The following DCBLD1 variants were observed in gnomAD, a reference collection of about 807,000 sequenced individuals.
The protein encoded by DCBLD1 is discoidin, CUB and LCCL domain containing 1, also known as discoidin, CUB and LCCL domain-containing protein 1.
In DCBLD1, 57 loss-of-function variants were observed where a neutral mutation model predicts 71.5. The observed-to-expected ratio is 0.80, with a 90% CI of 0.64 to 0.99. DCBLD1 has a LOEUF of 0.99. Among genes scored for constraint, DCBLD1 ranks in the 50% least tolerant of loss-of-function variants. DCBLD1 has a pLI of 0.00. For missense variants in DCBLD1, 891 were observed against 923.5 expected (o/e 0.96, Z 0.46); for synonymous variants, 380 against 363.8 (o/e 1.04, Z -0.51).
intron 1 of DCBLD1, among the ~76,000 whole-genome samples, chr6:117,486,881 G>A (rs979726095): frequency 2.6e-5 from 4 of 152,144 alleles, no homozygotes; most frequent in Non-Finnish European, 4.4e-5. Context: ...GAGCATTACC[G>A]CCTGAGTTCG....
rs537343916 is a variant in DCBLD1, at chr6:117,493,374, G to A, written c.113-10393G>A. On this transcript the variant is annotated intron_variant, in intron 1 of 14. Transcript: ENST00000338728. ...TTCTTTTACAAAGCATCTTTCAGGA[G>A]CTAAGCAAAGTGAACAACCTTTGTT... is the stretch of plus-strand genomic sequence containing the variant. Among the ~76,000 whole-genome samples the A allele has an allele frequency of 3.3e-5, 5 of 152,262 alleles. No homozygotes were observed. The East Asian group carries it at 9.7e-4, about 29-fold the overall frequency.
At chr6:117,550,859 T>C (rs1459134178), downstream of DCBLD1, among the ~76,000 whole-genome samples, 1 of 152,202 alleles carries the variant, frequency 6.6e-6, no homozygotes, top group African/African-American at 2.4e-5. Flanking sequence ...GAGAGCAGTG[T>C]TTACCCTGTA....
intron 1 of DCBLD1, among the ~76,000 whole-genome samples, chr6:117,498,823 G>A (rs1777552666): frequency 6.6e-6 from 1 of 151,840 alleles, no homozygotes; most frequent in Admixed American, 6.6e-5. Flanking sequence ...TCAAAAAAAT[G>A]GCATTTTCTT....
At chr6:117,559,141 CCT>C (rs1491445367) in intron 14 of DCBLD1, among the ~76,000 whole-genome samples, 3 of 152,210 alleles carry the variant, frequency 2.0e-5, no homozygotes, top group African/African-American at 7.2e-5. Flanking sequence ...CATCTTATTA[CCT>C]GTTTCCTCAA....
At chr6:117,513,245 A>AG (rs1314939577) in intron 2 of DCBLD1, among the ~76,000 whole-genome samples, 1 of 152,202 alleles carries the variant, frequency 6.6e-6, no homozygotes, top group African/African-American at 2.4e-5. Flanking sequence ...GGAAAGATAA[A>AG]GGGTTTCCCT....
At chr6:117,514,967 A>G (rs1229205799) in intron 2 of DCBLD1, among the ~76,000 whole-genome samples, 3 of 151,666 alleles carry the variant, frequency 2.0e-5, no homozygotes, top group Non-Finnish European at 2.9e-5. Flanking sequence ...AAAAAAATCT[A>G]AGCAAGTTCT....
chr6:117,522,370 G>T lies in DCBLD1; in HGVS notation c.512+794G>T, dbSNP rs191260885. Among the ~76,000 whole-genome samples the T allele has an allele frequency of 3.3e-5, 5 of 152,112 alleles. No homozygotes were observed. In the East Asian group the frequency reaches 9.7e-4, roughly 29 times the overall value. On this transcript the variant is annotated intron_variant, in intron 4 of 14. Coordinates refer to ENST00000338728, the MANE Select transcript of DCBLD1 (RefSeq NM_001366458.2). ...ATTGCCAAATGTCTCATGGTGGGCA[G>T]AATCGCCCCCAGTGGAGAGCCACTA...
At chr6:117,500,543 G>A (rs1247418688) in intron 1 of DCBLD1, among the ~76,000 whole-genome samples, 1 of 152,116 alleles carries the variant, frequency 6.6e-6, no homozygotes, top group African/African-American at 2.4e-5. Flanking sequence ...GGAAGTGGTC[G>A]GAAAGAAATA....
At chr6:117,569,620 G>A (rs775012838) in exon 15 of DCBLD1, 2 of 1,612,860 alleles carry the variant, frequency 1.2e-6, no homozygotes, top group South Asian at 1.1e-5. Flanking sequence ...TGTCCCTTAG[G>A]TTAACTCCGT....
intron 1 of DCBLD1, among the ~76,000 whole-genome samples, chr6:117,502,328 T>C (rs574880406): frequency 4.4e-4 from 67 of 152,322 alleles, no homozygotes; most frequent in South Asian, 1.0e-3. Context: ...GCCAACTCTA[T>C]TTCCCCAATT....
chr6:117,548,370 T>C lies in DCBLD1; in HGVS notation c.2079T>C (p.Ser693=). The C allele has an allele frequency of 1.3e-6, 2 of 1,550,392 alleles. No homozygotes were observed. The highest frequency in any genetic ancestry group is 1.7e-6 in the Non-Finnish European group (2 of 1,146,934). The part of the protein sequence containing the change: ...SQKPPTHPGT[S]DSYSAPRDCL... ...AGCCCCCAACGCATCCCGGGACGAG[T>C]GACAGCTATTCTGCCCCCAGAGACT... Residue 693 remains serine, a synonymous_variant, in exon 15 of 15, where the codon AGT becomes AGC. Coordinates refer to ENST00000338728, the MANE Select transcript of DCBLD1 (RefSeq NM_001366458.2).
At chr6:117,551,353 C>A (rs1359985806), downstream of DCBLD1, among the ~76,000 whole-genome samples, 1 of 144,184 alleles carries the variant, frequency 6.9e-6, no homozygotes. Flanking sequence ...ATTCTGATAC[C>A]TGAGTATTTC....
chr6:117,568,826 T>C (rs903768215), intron 14 of DCBLD1, among the ~76,000 whole-genome samples: 12 of 152,222 alleles, frequency 7.9e-5, no homozygotes, highest in African/African-American at 2.9e-4. Flanking sequence ...GTTGCAAAGA[T>C]TTATGCATCA....
intron 14 of DCBLD1, among the ~76,000 whole-genome samples, chr6:117,556,925 G>A (rs1417142511): frequency 6.6e-6 from 1 of 152,096 alleles, no homozygotes; most frequent in Non-Finnish European, 1.5e-5. Flanking sequence ...ATTGGTGTAA[G>A]ATGATATCTC....
At chr6:117,505,559 GAC>G (rs1777812205) in intron 2 of DCBLD1, among the ~76,000 whole-genome samples, 1 of 152,210 alleles carries the variant, frequency 6.6e-6, no homozygotes, top group Non-Finnish European at 1.5e-5. Flanking sequence ...AGGCTGAAGT[GAC>G]AGCAACTAAG....
chr6:117,546,970 C>A (rs1779285928), intron 14 of DCBLD1, among the ~76,000 whole-genome samples: 1 of 152,194 alleles, frequency 6.6e-6, no homozygotes, highest in Non-Finnish European at 1.5e-5. Context: ...TCAAAGAGTC[C>A]TTGCCTCCCG....
chr6:117,561,457 C>T lies in DCBLD1; in HGVS notation c.1616-8163C>T, dbSNP rs188517639. Reference sequence around the variant, plus strand: ...TTTCATGTCACAGCAAAAAGGTTTTCGGGTCTGCTACAATGGACAATTTTT... The same window carrying T: ...TTTCATGTCACAGCAAAAAGGTTTTTGGGTCTGCTACAATGGACAATTTTT... On this transcript the variant is annotated intron_variant, in intron 14 of 14. Transcript: ENST00000296955. 4.4e-4 allele frequency: 97 copies of T among 221,754 alleles called. No homozygotes were observed. In the East Asian group the frequency reaches 6.3e-3, roughly 14 times the overall value. The allele number at this position is 221,754 out of a possible 1,614,324, so 13.7% of individuals were successfully genotyped here.
At chr6:117,563,415 C>T in intron 14 of DCBLD1, 1 of 1,609,558 alleles carries the variant, frequency 6.2e-7, no homozygotes, top group Non-Finnish European at 8.5e-7. Context: ...AAAGCAGACA[C>T]TTTCTGGTTT....
intron 13 of DCBLD1, 115 bp downstream of exon 13, chr6:117,544,692 C>A: frequency 1.9e-6 from 2 of 1,069,746 alleles, no homozygotes; most frequent in Non-Finnish European, 2.7e-6. Flanking sequence ...AAGACATAAG[C>A]CCTGTAGCCT....
Sources: gnomAD v4.1 joint callset for allele counts (sites outside exome capture counted in the v4.1 genomes callset) on GRCh38, gnomAD v4.1.1 for gene constraint, MANE v1.5 for transcripts, NCBI Gene and HGNC (gene_info 2026-07-23, HGNC 2026-07-21) for gene names.